The following LRRC2 variants were observed in gnomAD, a reference collection of about 807,000 sequenced individuals.
LRRC2 encodes the protein leucine-rich repeat-containing protein 2.
Under a neutral mutation model 40.2 loss-of-function variants are expected in LRRC2, and 27 were observed. The ratio of observed to expected loss-of-function variants is 0.67; its 90% CI spans 0.49 to 0.93. LRRC2 has a LOEUF of 0.93. Ranked by LOEUF, LRRC2 falls within the 40% of genes least tolerant of loss-of-function variation. LRRC2 has a pLI of 0.00. For missense variants in LRRC2, 402 were observed against 439.6 expected, an observed-to-expected ratio of 0.91 and a Z score of 0.76; for synonymous variants, 147 against 158.9, an observed-to-expected ratio of 0.92 and a Z score of 0.56.
intron 4 of LRRC2, among the ~76,000 whole-genome samples, chr3:46,534,063 T>C (rs1235616704): frequency 6.6e-6 from 1 of 152,092 alleles, no homozygotes; most frequent in East Asian, 1.9e-4. Flanking sequence ...TTTATCCTAA[T>C]GTTCTCCCTC....
chr3:46,539,192 C>T lies in LRRC2; in HGVS notation c.343G>A (p.Asp115Asn). 1 of 1,613,670 alleles carries T rather than the reference C, an allele frequency of 6.2e-7. No individual in the cohort carries two copies. Among genetic ancestry groups the T allele is most frequent in the Non-Finnish European group, 8.5e-7 (1 of 1,179,830 alleles). ...LSGEHWTELP[D>N]SLKEQTHLRE... Reference sequence around the variant, plus strand: ...AGGTGTGTCTGCTCCTTCAATGAATCTGGGAGCTCCTAAAATAGAAAGAAT... The same window carrying T: ...AGGTGTGTCTGCTCCTTCAATGAATTTGGGAGCTCCTAAAATAGAAAGAAT... The change falls in exon 4 of 9, where the codon GAT becomes AAT. Residue 115 changes from aspartate to asparagine, a missense_variant. Coordinates refer to ENST00000395905, the MANE Select transcript of LRRC2 (RefSeq NM_024512.5).
intron 3 of LRRC2, among the ~76,000 whole-genome samples, chr3:46,542,937 C>A (rs1704427865): frequency 6.6e-6 from 1 of 152,190 alleles, no homozygotes; most frequent in African/African-American, 2.4e-5. Context: ...TCCTTCCCTC[C>A]TGACCTCTTG....
At chr3:46,525,094 T>C (rs1370965008) in intron 7 of LRRC2, among the ~76,000 whole-genome samples, 2 of 149,142 alleles carry the variant, frequency 1.3e-5, no homozygotes, top group East Asian at 2.0e-4. Context: ...TTCTTTTTTT[T>C]TTTTTTTTTT....
chr3:46,534,241 T>C (rs1193255022), intron 4 of LRRC2, among the ~76,000 whole-genome samples: 1 of 152,190 alleles, frequency 6.6e-6, no homozygotes, highest in Admixed American at 6.5e-5. Context: ...TCCATGTCTC[T>C]GCAAAGGACA....
intron 1 of LRRC2, among the ~76,000 whole-genome samples, chr3:46,553,288 G>A (rs1421355031): frequency 6.6e-6 from 1 of 151,604 alleles, no homozygotes; most frequent in Non-Finnish European, 1.5e-5. Context: ...ATATTGTTTT[G>A]AAATTCCCTA....
chr3:46,536,940 C>T (rs747482301), intron 4 of LRRC2, among the ~76,000 whole-genome samples: 3 of 152,206 alleles, frequency 2.0e-5, no homozygotes, highest in Non-Finnish European at 2.9e-5. Flanking sequence ...GTGAGCATGA[C>T]TCATCCCATG....
chr3:46,551,399 G>A (rs575860012), intron 2 of LRRC2, 68 bp downstream of exon 2: 26 of 1,550,230 alleles, frequency 1.7e-5, no homozygotes, highest in African/African-American at 1.7e-4. Context: ...CCTCCACAAC[G>A]CAACTGTTGC....
At chr3:46,553,758 G>A (rs922430261) in intron 1 of LRRC2, among the ~76,000 whole-genome samples, 2 of 152,212 alleles carry the variant, frequency 1.3e-5, no homozygotes, top group African/African-American at 4.8e-5. Flanking sequence ...ATAGTGCTGG[G>A]ATCACAGGCA....
At chr3:46,524,502 A>G (rs2106980709) in intron 7 of LRRC2, among the ~76,000 whole-genome samples, 1 of 152,314 alleles carries the variant, frequency 6.6e-6, no homozygotes, top group Non-Finnish European at 1.5e-5. Context: ...TCTGGCCACC[A>G]ACATCTTCAG....
chr3:46,519,125 G>T (rs115049305), intron 8 of LRRC2, 62 bp from the exon 9 acceptor site: 2 of 1,124,114 alleles, frequency 1.8e-6, no homozygotes, highest in African/African-American at 1.5e-5. Flanking sequence ...ATCTAGCTAC[G>T]TGCTATGACA....
At chr3:46,528,716 C>T (rs1460209732) in intron 6 of LRRC2, among the ~76,000 whole-genome samples, 2 of 152,192 alleles carry the variant, frequency 1.3e-5, no homozygotes, top group East Asian at 3.8e-4. Flanking sequence ...CATCAATACA[C>T]ATCACATGTA....
rs1055019417 is a variant in LRRC2 at position 46,552,992 on chromosome 3, C to T, written c.-19-1382G>A. Among the ~76,000 whole-genome samples, 20 of 152,234 alleles carry T rather than the reference C, an allele frequency of 1.3e-4. 1 individual carries two copies. Among genetic ancestry groups the T allele is most frequent in the Non-Finnish European group, 2.8e-4 (19 of 68,036 alleles). On this transcript the variant is annotated intron_variant, in intron 1 of 8. Transcript: ENST00000395905. ...CCACCAAAACTTTATGTCTATATCCCTGGCACCTAGTATAGTGCCTTGCAC... is the reference window on the plus strand; with the variant it reads ...CCACCAAAACTTTATGTCTATATCCTTGGCACCTAGTATAGTGCCTTGCAC...
At chr3:46,540,628 C>T (rs984369069) in intron 3 of LRRC2, among the ~76,000 whole-genome samples, 2 of 152,108 alleles carry the variant, frequency 1.3e-5, no homozygotes, top group Admixed American at 6.5e-5. Context: ...GGATCCACTA[C>T]TGAGTTTGCA....
chr3:46,553,982 G>A (rs1334294802), intron 1 of LRRC2, among the ~76,000 whole-genome samples: 1 of 151,516 alleles, frequency 6.6e-6, no homozygotes, highest in Non-Finnish European at 1.5e-5. Context: ...TTTGTTTGTT[G>A]TTGTTGTTGT....
chr3:46,546,964 T>C (rs1413965306), intron 2 of LRRC2, among the ~76,000 whole-genome samples: 1 of 152,166 alleles, frequency 6.6e-6, no homozygotes, highest in Non-Finnish European at 1.5e-5. Flanking sequence ...CTGGTCTGGC[T>C]TTGAAAGGAA....
At chr3:46,533,028 A>C in intron 4 of LRRC2, 119 bp from the exon 5 acceptor site, 1 of 1,072,324 alleles carries the variant, frequency 9.3e-7, no homozygotes, top group Non-Finnish European at 1.3e-6. Flanking sequence ...ACTAAACATA[A>C]TTTAGTATTT....
chr3:46,533,815 CTTTT>C (rs761519977), intron 4 of LRRC2, among the ~76,000 whole-genome samples: 5 of 97,490 alleles, frequency 5.1e-5, no homozygotes, highest in African/African-American at 1.3e-4. Flanking sequence ...TTCTTTCTTT[CTTTT>C]TCTTTCTCTC....
intron 4 of LRRC2, among the ~76,000 whole-genome samples, chr3:46,535,304 A>G (rs1017868556): frequency 1.3e-5 from 2 of 152,246 alleles, no homozygotes; most frequent in Admixed American, 1.3e-4. Flanking sequence ...GAGATATGAT[A>G]TATGTCTCAG....
At chr3:46,561,480 G>A (rs1704940834) in intron 1 of LRRC2, among the ~76,000 whole-genome samples, 1 of 152,184 alleles carries the variant, frequency 6.6e-6, no homozygotes, top group Non-Finnish European at 1.5e-5. Context: ...TTGGGCCTGG[G>A]AGGCAGATGT....
Sources: gnomAD v4.1 joint callset for allele counts (sites outside exome capture counted in the v4.1 genomes callset) on GRCh38, gnomAD v4.1.1 for gene constraint, MANE v1.5 for transcripts, NCBI Gene and HGNC (gene_info 2026-07-23, HGNC 2026-07-21) for gene names.